Variants in ADGRE3 observed in about 807,000 individuals in gnomAD.
ADGRE3 encodes the protein EGF-like module receptor 3.
In ADGRE3, 88 loss-of-function variants were observed where a neutral mutation model predicts 80.1. That is an observed-to-expected ratio of 1.10 (90% CI 0.93 to 1.31). The LOEUF (loss-of-function observed/expected upper bound fraction) is 1.31, where lower values mean the gene tolerates loss of function less well. ADGRE3 is among the 40% of genes most tolerant of loss of function. ADGRE3 has a pLI of 0.00. For synonymous variants in ADGRE3, 281 were observed against 294.8 expected, an observed-to-expected ratio of 0.95 and a Z score of 0.48; for missense variants, 715 against 776.5, an observed-to-expected ratio of 0.92 and a Z score of 0.94.
chr19:14,625,723 A>AT (rs1970721308), intron 14 of ADGRE3, 124 bp from the exon 15 acceptor site: 2 of 646,014 alleles, frequency 3.1e-6, no homozygotes, highest in African/African-American at 3.7e-5. Context: ...AACATGGTCT[A>AT]TTCGTACAAT....
the ADGRE3 span, among the ~76,000 whole-genome samples, chr19:14,604,899 C>T: frequency 1.3e-5 from 2 of 152,068 alleles, no homozygotes; most frequent in Admixed American, 6.6e-5. Context: ...GTAAAAAATT[C>T]TTAAAACACA....
chr19:14,656,055 A>C (rs1483933638), intron 5 of ADGRE3, among the ~76,000 whole-genome samples: 1 of 151,980 alleles, frequency 6.6e-6, no homozygotes, highest in Non-Finnish European at 1.5e-5. Flanking sequence ...CAAAAGAAAA[A>C]GAAAAGAGGG....
At chr19:14,608,262 G>A in the ADGRE3 span, among the ~76,000 whole-genome samples, 1 of 152,068 alleles carries the variant, frequency 6.6e-6, no homozygotes, top group African/African-American at 2.4e-5. Context: ...CTGCCCCTTG[G>A]ACTTCCACAT....
chr19:14,634,840 A>G lies in ADGRE3; in HGVS notation c.1485-1538T>C, dbSNP rs1343813008. On this transcript the variant is annotated intron_variant, in intron 11 of 15. Coordinates refer to ENST00000253673, the MANE Select transcript of ADGRE3 (RefSeq NM_032571.5). ...CGGGGGTTCAGGGCCTGGCTGGTGA[A>G]GCAACTGTCTAAATTCCTCGGCTAC... 3.7e-5 allele frequency among the ~76,000 whole-genome samples: 5 copies of G among 136,868 alleles called. No homozygotes were observed. The Admixed American group carries it at 3.8e-4, about 10-fold the overall frequency. 89.8% of individuals were successfully genotyped at this position (136,868 alleles called of 152,430 possible).
At chr19:14,652,102 C>A (rs754667312) in intron 6 of ADGRE3, among the ~76,000 whole-genome samples, 13 of 151,726 alleles carry the variant, frequency 8.6e-5, no homozygotes, top group South Asian at 6.3e-4. Context: ...GGTGGGGAAC[C>A]AGGGCTTCAA....
chr19:14,650,629 ATC>A (rs376333448), intron 7 of ADGRE3, among the ~76,000 whole-genome samples: 919 of 24,570 alleles, frequency 0.037, 8 homozygotes, highest in Admixed American at 0.055. Context: ...CTCTGTCTCC[ATC>A]TCTCTCTCTC....
intron 11 of ADGRE3, among the ~76,000 whole-genome samples, chr19:14,635,660 G>A (rs1047342103): frequency 1.3e-5 from 2 of 150,636 alleles, no homozygotes; most frequent in East Asian, 2.0e-4. Flanking sequence ...TCATCCACCC[G>A]CCTCAGCCTC....
At chr19:14,624,414 T>C (rs1970681849) in intron 15 of ADGRE3, among the ~76,000 whole-genome samples, 1 of 152,122 alleles carries the variant, frequency 6.6e-6, no homozygotes, top group African/African-American at 2.4e-5. Context: ...TTTTTATTAT[T>C]ATTATTTTAC....
chr19:14,627,914 A>C (rs1450019993), intron 14 of ADGRE3, among the ~76,000 whole-genome samples: 1 of 151,892 alleles, frequency 6.6e-6, no homozygotes, highest in Non-Finnish European at 1.5e-5. Context: ...AGATCACCTG[A>C]GGTCGGGAGT....
At chr19:14,661,835 G>T in intron 4 of ADGRE3, 128 bp downstream of exon 4, 1 of 930,972 alleles carries the variant, frequency 1.1e-6, no homozygotes, top group Non-Finnish European at 1.6e-6. Flanking sequence ...GGGAGGCGGA[G>T]GTTTCAGCCA....
At chr19:14,602,927 G>A in the ADGRE3 span, among the ~76,000 whole-genome samples, 1 of 151,990 alleles carries the variant, frequency 6.6e-6, no homozygotes, top group East Asian at 1.9e-4. Flanking sequence ...TAGAGATGGG[G>A]TTTCTCCATG....
At chr19:14,666,874 C>G (rs1470873814) in intron 2 of ADGRE3, among the ~76,000 whole-genome samples, 2 of 152,168 alleles carry the variant, frequency 1.3e-5, no homozygotes, top group Non-Finnish European at 2.9e-5. Flanking sequence ...TTAATCTTTT[C>G]CAGGACTTAA....
intron 10 of ADGRE3, among the ~76,000 whole-genome samples, chr19:14,640,924 A>T (rs8113670): frequency 0.42 from 63,475 of 151,970 alleles, 13,883 homozygotes; most frequent in East Asian, 0.75. Flanking sequence ...CTCCCCTGCC[A>T]TGTGGAACTG....
chr19:14,652,488 A>G (rs1971634148), intron 6 of ADGRE3, among the ~76,000 whole-genome samples: 1 of 151,978 alleles, frequency 6.6e-6, no homozygotes, highest in African/African-American at 2.4e-5. Context: ...CAAGAATGAC[A>G]CTATTTTATG....
chr19:14,641,157 C>T (rs1222410503), intron 10 of ADGRE3, among the ~76,000 whole-genome samples: 2 of 152,162 alleles, frequency 1.3e-5, no homozygotes, highest in African/African-American at 2.4e-5. Context: ...TAAACTACCT[C>T]TTTGAGAATG....
At chr19:14,658,788 G>A (rs930062467) in intron 4 of ADGRE3, among the ~76,000 whole-genome samples, 5 of 152,004 alleles carry the variant, frequency 3.3e-5, no homozygotes, top group Non-Finnish European at 7.4e-5. Flanking sequence ...AGGCTGGAGT[G>A]CAATGGTGCG....
intron 10 of ADGRE3, among the ~76,000 whole-genome samples, chr19:14,638,615 T>C (rs1182906934): frequency 6.6e-6 from 1 of 152,054 alleles, no homozygotes; most frequent in Non-Finnish European, 1.5e-5. Context: ...TAGTTGATAG[T>C]CAAGGATAGC....
intron 11 of ADGRE3, among the ~76,000 whole-genome samples, chr19:14,637,470 T>C (rs534042490): frequency 9.3e-5 from 14 of 151,300 alleles, no homozygotes; most frequent in Admixed American, 2.6e-4. Context: ...CATAGCTCAC[T>C]GCAGCCTTGA....
intron 1 of ADGRE3, among the ~76,000 whole-genome samples, chr19:14,670,937 G>C (rs1039719890): frequency 6.6e-6 from 1 of 152,180 alleles, no homozygotes; most frequent in Non-Finnish European, 1.5e-5. Context: ...CTGTAGGTTG[G>C]CATGTTTATT....
Sources: gnomAD v4.1 joint callset for allele counts (sites outside exome capture counted in the v4.1 genomes callset) on GRCh38, gnomAD v4.1.1 for gene constraint, MANE v1.5 for transcripts, NCBI Gene and HGNC (gene_info 2026-07-23, HGNC 2026-07-21) for gene names.